The following PPP1R1A variants were observed in gnomAD, a reference collection of about 807,000 sequenced individuals.
PPP1R1A encodes the protein protein phosphatase 1 regulatory inhibitor subunit 1A, also known as protein phosphatase 1 regulatory subunit 1A.
A neutral mutation model predicts 23.9 loss-of-function variants in PPP1R1A; 18 were observed. That is an observed-to-expected ratio of 0.75 (90% CI 0.52 to 1.12). The LOEUF (loss-of-function observed/expected upper bound fraction) is 1.12, where lower values mean the gene tolerates loss of function less well. Among genes scored for constraint, PPP1R1A ranks in the 50% most tolerant of loss-of-function variants. The pLI is 0.00. For synonymous variants in PPP1R1A, 84 were observed against 80.7 expected, an observed-to-expected ratio of 1.04 and a Z score of -0.22; for missense variants, 207 against 223.8, an observed-to-expected ratio of 0.92 and a Z score of 0.48.
intron 4 of PPP1R1A, 110 bp from the exon 5 acceptor site, chr12:54,582,241 G>GT (rs1957862565): frequency 8.4e-7 from 1 of 1,193,292 alleles, no homozygotes; most frequent in African/African-American, 1.6e-5. Context: ...ATTGCTGGGT[G>GT]TTTGACTTTC....
Position 54,581,275 on chromosome 12 carries a change from T to C in PPP1R1A, c.404-225A>G, listed in dbSNP as rs1306031478. Among the ~76,000 whole-genome samples the C allele has an allele frequency of 6.6e-6, 1 of 152,236 alleles. No homozygotes were observed. The highest frequency in any genetic ancestry group is 1.5e-5 in the Non-Finnish European group (1 of 68,042). ...ATCAAATTGGAAAGAATAAACCCTC[T>C]ACAGTTTAAAAAACAAAACTCAATA... is the stretch of plus-strand genomic sequence containing the variant. On this transcript the variant is annotated intron_variant, in intron 5 of 6. Coordinates refer to ENST00000257905, the MANE Select transcript of PPP1R1A (RefSeq NM_006741.4). This position sits in a 1 kb window ranked among gnomAD's most constrained non-coding sequence, Gnocchi z 4.1.
rs1427356293 is a variant in PPP1R1A, at chr12:54,581,961, C to T, written c.403+15G>A. On this transcript the variant is annotated intron_variant, in intron 5 of 6. Transcript: ENST00000257905. The surrounding 1 kb of genome is among the most constrained non-coding windows in gnomAD (Gnocchi z 4.1). Reference sequence around the variant, plus strand: ...GGAAATAGGATGCCTGGGGCCCTCCCCAGCCTGAACATACTTTTTGCTGTC... The same window carrying T: ...GGAAATAGGATGCCTGGGGCCCTCCTCAGCCTGAACATACTTTTTGCTGTC... 6.2e-6 allele frequency: 10 copies of T among 1,602,564 alleles called. No individual in the cohort carries two copies. The highest frequency in any genetic ancestry group is 4.5e-5 in the East Asian group (2 of 44,538).
At chr12:54,587,188 C>T (rs999264780) in intron 1 of PPP1R1A, among the ~76,000 whole-genome samples, 1 of 152,166 alleles carries the variant, frequency 6.6e-6, no homozygotes, top group Admixed American at 6.5e-5. Context: ...TGTACCCCTG[C>T]CCGCTTCCCT....
chr12:54,584,625 A>G (rs1200498461), intron 1 of PPP1R1A, among the ~76,000 whole-genome samples: 2 of 152,156 alleles, frequency 1.3e-5, no homozygotes, highest in South Asian at 2.1e-4. Context: ...AAAACTACCT[A>G]TTGGGTACTA....
Position 54,581,836 on chromosome 12 carries a change from T to G in PPP1R1A, c.403+140A>C. 1 of 843,624 alleles carries G rather than the reference T, an allele frequency of 1.2e-6. No individual in the cohort carries two copies. The highest frequency in any genetic ancestry group is 2.9e-5 in the East Asian group (1 of 34,932). 52.3% of individuals were successfully genotyped at this position (843,624 alleles called of 1,614,324 possible). ...AATATATGCCGAACATGCCAACAGA[T>G]CCATATCCTTGAGACAGTTTTTGCC... On this transcript the variant is annotated intron_variant, in intron 5 of 6. Transcript: ENST00000257905. This position sits in a 1 kb window ranked among gnomAD's most constrained non-coding sequence, Gnocchi z 4.1.
At chr12:54,585,319 T>C (rs1421104220) in intron 1 of PPP1R1A, among the ~76,000 whole-genome samples, 1 of 152,200 alleles carries the variant, frequency 6.6e-6, no homozygotes, top group African/African-American at 2.4e-5. Flanking sequence ...AATCTTATCC[T>C]AGGCTCCAGG....
At chr12:54,584,465 T>A in intron 1 of PPP1R1A, 145 bp from the exon 2 acceptor site, 1 of 740,318 alleles carries the variant, frequency 1.4e-6, no homozygotes, top group South Asian at 1.9e-5. Context: ...GAGGCCATTA[T>A]CCTAAGCAAA....
At chr12:54,586,369 G>A (rs1957910653) in intron 1 of PPP1R1A, among the ~76,000 whole-genome samples, 1 of 152,148 alleles carries the variant, frequency 6.6e-6, no homozygotes, top group African/African-American at 2.4e-5. Flanking sequence ...ATAAGTAGAT[G>A]GTCTCTTTTC....
chr12:54,585,490 A>C (rs993235759), intron 1 of PPP1R1A, among the ~76,000 whole-genome samples: 2 of 151,942 alleles, frequency 1.3e-5, no homozygotes, highest in Admixed American at 6.6e-5. Context: ...CTTTCTCTGG[A>C]GGCTTTAGAG....
chr12:54,582,884 C>T (rs1957870523), intron 3 of PPP1R1A, 89 bp from the exon 4 acceptor site: 1 of 1,343,990 alleles, frequency 7.4e-7, no homozygotes, highest in Non-Finnish European at 1.0e-6. Context: ...TGCCCTCCAG[C>T]CCCCCTTGCC....
intron 1 of PPP1R1A, among the ~76,000 whole-genome samples, chr12:54,587,141 A>G (rs1197895594): frequency 6.6e-6 from 1 of 152,122 alleles, no homozygotes; most frequent in African/African-American, 2.4e-5. Context: ...ACCTAACCCT[A>G]TCTCCACATT....
rs540453760 is a variant in PPP1R1A, at chr12:54,584,856, C to T, written c.85-536G>A. On this transcript the variant is annotated intron_variant, in intron 1 of 6. Transcript: ENST00000257905. The stretch of plus-strand genomic sequence containing the variant: ...GACCACCTCGCCTCCCTGCATGCCC[C>T]CATTCCCCTGTTCTGTCTCTCCACC... 3.3e-5 allele frequency among the ~76,000 whole-genome samples: 5 copies of T among 152,130 alleles called. No homozygotes were observed. The East Asian group carries it at 5.8e-4, about 18-fold the overall frequency.
intron 1 of PPP1R1A, among the ~76,000 whole-genome samples, chr12:54,587,217 T>C (rs1957919117): frequency 6.6e-6 from 1 of 152,124 alleles, no homozygotes; most frequent in African/African-American, 2.4e-5. Context: ...GACCTTATTC[T>C]ACCAAACAGC....
Position 54,580,893 on chromosome 12 carries a change from C to T in PPP1R1A, c.510+51G>A, listed in dbSNP as rs776980137. 9.7e-6 allele frequency: 14 copies of T among 1,442,002 alleles called. No homozygotes were observed. The South Asian group carries it at 1.6e-4, about 16-fold the overall frequency. The allele number at this position is 1,442,002 out of a possible 1,614,324, so 89.3% of individuals were successfully genotyped here. A position where few individuals can be genotyped will look rare whatever the true frequency, so the allele number is the denominator to read the frequency against. ...AATATTAGCCCCTTGCTTTTGTCCACAATATTAGCCTCCTCTCCTATGACC... is the reference window on the plus strand; with the variant it reads ...AATATTAGCCCCTTGCTTTTGTCCATAATATTAGCCTCCTCTCCTATGACC... On this transcript the variant is annotated intron_variant, in intron 6 of 6. Coordinates refer to ENST00000257905, the MANE Select transcript of PPP1R1A (RefSeq NM_006741.4).
Position 54,579,657 on chromosome 12 carries a change from A to G in PPP1R1A, c.*730T>C. 2.0e-6 allele frequency: 2 copies of G among 985,454 alleles called. No homozygotes were observed. The highest frequency in any genetic ancestry group is 2.4e-6 in the Non-Finnish European group (2 of 829,962). 61.0% of individuals were successfully genotyped at this position (985,454 alleles called of 1,614,324 possible). On this transcript the variant is annotated 3_prime_UTR_variant, in exon 7 of 7. Transcript: ENST00000257905. ...ATGTCTAGGACAAGGGAACCCTTCCAGTCTCCAGCATGGGCCTCTTCATTA... is the reference window on the plus strand; with the variant it reads ...ATGTCTAGGACAAGGGAACCCTTCCGGTCTCCAGCATGGGCCTCTTCATTA...
Position 54,579,934 on chromosome 12 carries a change from C to A in PPP1R1A, c.*453G>T. 1.0e-6 allele frequency: 1 copy of A among 993,946 alleles called. No homozygotes were observed. The highest frequency in any genetic ancestry group is 1.2e-6 in the Non-Finnish European group (1 of 834,946). The allele number at this position is 993,946 out of a possible 1,614,324, so 61.6% of individuals were successfully genotyped here. A position where few individuals can be genotyped will look rare whatever the true frequency, so the allele number is the denominator to read the frequency against. On this transcript the variant is annotated 3_prime_UTR_variant, in exon 7 of 7. Transcript: ENST00000257905. ...CAGTCACAGCTGGACACGGCACAGG[C>A]CTTAGAGCGCCGAGTCTTCCAGCTG...
At position 54,583,422 on chromosome 12, in the gene PPP1R1A, T is replaced by C. The variant is rs558871867; in HGVS notation, c.146-174A>G. ...CCCCAGACCTCCTCCCCGAAGCTCCTCTCCTGTGCTTCCGCTGCCTCCATC... is the reference window on the plus strand; with the variant it reads ...CCCCAGACCTCCTCCCCGAAGCTCCCCTCCTGTGCTTCCGCTGCCTCCATC... On this transcript the variant is annotated intron_variant, in intron 2 of 6. Transcript: ENST00000257905. Among the ~76,000 whole-genome samples, 17 of 152,252 alleles carry C rather than the reference T, an allele frequency of 1.1e-4. No individual in the cohort carries two copies. In the South Asian group the frequency reaches 3.5e-3, roughly 32 times the overall value.
Position 54,580,103 on chromosome 12 carries a change from T to G in PPP1R1A, c.*284A>C. The G allele has an allele frequency of 8.4e-7, 1 of 1,189,798 alleles. No homozygotes were observed. The highest frequency in any genetic ancestry group is 1.0e-6 in the Non-Finnish European group (1 of 952,786). 73.7% of individuals were successfully genotyped at this position (1,189,798 alleles called of 1,614,324 possible). The stretch of plus-strand genomic sequence containing the variant: ...TTCCCACAGCAAGTAAAGTCAGGGC[T>G]AAGGGAAGAACTCTTCCCTGCTCAA... On this transcript the variant is annotated 3_prime_UTR_variant, in exon 7 of 7. Transcript: ENST00000257905.
At chr12:54,588,343 C>G in intron 1 of PPP1R1A, 62 bp downstream of exon 1, 1 of 1,383,148 alleles carries the variant, frequency 7.2e-7, no homozygotes, top group African/African-American at 1.5e-5. Context: ...TGGGTCCCAC[C>G]AGTCCAGGGG....
Sources: allele counts gnomAD v4.1 joint callset (sites outside exome capture counted in the v4.1 genomes callset), GRCh38; gene constraint gnomAD v4.1.1; non-coding constraint Gnocchi (gnomAD v3.1); transcripts MANE v1.5; gene names NCBI Gene and HGNC (gene_info 2026-07-23, HGNC 2026-07-21).